CRYBG3: variants seen among roughly 807,000 people sequenced by gnomAD.
The protein encoded by CRYBG3 is crystallin beta-gamma domain containing 3, also known as very large A-kinase anchor protein.
CRYBG3 carries 127 observed loss-of-function variants against 244.2 expected under a neutral mutation model. The observed-to-expected ratio is 0.52, with a 90% CI of 0.45 to 0.60. The LOEUF (loss-of-function observed/expected upper bound fraction) is 0.60. Ranked by LOEUF, CRYBG3 falls within the 20% of genes least tolerant of loss-of-function variation. The probability of loss-of-function intolerance (pLI) is 0.00; values close to 1 mark genes in which losing one functional copy is unlikely to be tolerated. For missense variants in CRYBG3, 3,325 were observed against 3,442.5 expected, an observed-to-expected ratio of 0.97 and a Z score of 0.85; for synonymous variants, 1,132 against 1,195.8, an observed-to-expected ratio of 0.95 and a Z score of 1.10.
intron 2 of CRYBG3, among the ~76,000 whole-genome samples, chr3:97,846,133 C>G (rs774485918): frequency 6.6e-6 from 1 of 152,152 alleles, no homozygotes; most frequent in Non-Finnish European, 1.5e-5. Flanking sequence ...TATTCAGTAA[C>G]CTTTCCCTAG....
chr3:97,835,463 C>T (rs2038719578), intron 1 of CRYBG3, among the ~76,000 whole-genome samples: 1 of 152,064 alleles, frequency 6.6e-6, no homozygotes, highest in South Asian at 2.1e-4. Context: ...GGAACATTCA[C>T]TTAGAAGGTC....
chr3:97,912,574 A>C (rs945331613), intron 16 of CRYBG3, among the ~76,000 whole-genome samples: 8 of 152,208 alleles, frequency 5.3e-5, no homozygotes, highest in Admixed American at 5.2e-4. Context: ...ACCGTCTCAC[A>C]TAGTAGAATG....
intron 7 of CRYBG3, among the ~76,000 whole-genome samples, chr3:97,886,102 C>G (rs1383565799): frequency 1.3e-5 from 2 of 152,088 alleles, no homozygotes; most frequent in Admixed American, 1.3e-4. Context: ...GAAATGGAGT[C>G]CTACAGGGAG....
At chr3:97,878,445 TG>T (rs1053729739) in intron 4 of CRYBG3, among the ~76,000 whole-genome samples, 27 of 152,282 alleles carry the variant, frequency 1.8e-4, no homozygotes, top group Middle Eastern at 3.4e-3. Flanking sequence ...GTTTTGAGGT[TG>T]TAGAAGTTGT....
intron 1 of CRYBG3, among the ~76,000 whole-genome samples, chr3:97,822,590 C>T (rs2038518781): frequency 6.6e-6 from 1 of 152,228 alleles, no homozygotes; most frequent in African/African-American, 2.4e-5. Flanking sequence ...GGCAGCCGGA[C>T]GCATATCCCC....
At chr3:97,858,672 A>G (rs980160996) in intron 2 of CRYBG3, among the ~76,000 whole-genome samples, 1 of 151,912 alleles carries the variant, frequency 6.6e-6, no homozygotes, top group Non-Finnish European at 1.5e-5. Flanking sequence ...GTTCTTTTTT[A>G]TGACACCTAT....
chr3:97,832,757 G>T (rs1335489231), intron 1 of CRYBG3, among the ~76,000 whole-genome samples: 1 of 152,086 alleles, frequency 6.6e-6, no homozygotes, highest in African/African-American at 2.4e-5. Context: ...CACAGCAAAA[G>T]AAACTATCAT....
At chr3:97,833,219 A>G (rs1203307330) in intron 1 of CRYBG3, among the ~76,000 whole-genome samples, 1 of 152,202 alleles carries the variant, frequency 6.6e-6, no homozygotes, top group Non-Finnish European at 1.5e-5. Context: ...CTGGGTATAT[A>G]CCCAAAGGAT....
intron 17 of CRYBG3, among the ~76,000 whole-genome samples, chr3:97,921,608 G>A (rs1364674881): frequency 6.6e-6 from 1 of 152,100 alleles, no homozygotes; most frequent in Non-Finnish European, 1.5e-5. Flanking sequence ...TTAGAAGTTG[G>A]GGGATGGTGG....
chr3:97,834,326 A>G (rs2038698878), intron 1 of CRYBG3, among the ~76,000 whole-genome samples: 2 of 152,204 alleles, frequency 1.3e-5, no homozygotes, highest in African/African-American at 4.8e-5. Context: ...CTTTATGACA[A>G]ACAATACAAA....
At chr3:97,942,766 C>T in intron 21 of CRYBG3, 1 of 226,896 alleles carries the variant, frequency 4.4e-6, no homozygotes, top group Non-Finnish European at 8.4e-6. Flanking sequence ...TAGCTTTTTG[C>T]CAGGAATTGC....
In CRYBG3 at chr3:97,874,823, C is replaced by T; in HGVS notation, c.3629C>T (p.Ser1210Phe). The T allele has an allele frequency of 6.5e-7, 1 of 1,535,986 alleles. No homozygotes were observed. Among genetic ancestry groups the T allele is most frequent in the African/African-American group, 1.4e-5 (1 of 73,136 alleles). Residue 1210 changes from serine to phenylalanine, a missense_variant, in exon 4 of 22, where the codon TCT becomes TTT. Ser to Phe is a radical substitution (Grantham distance 155). Transcript: ENST00000389622. ...ADTLIGEIFN[S>F]VREELKFKHT... ...ACATTGATTGGTGAGATTTTTAATT[C>T]TGTCAGGGAAGAACTAAAATTCAAA...
chr3:97,869,713 A>G (rs1482635255), intron 3 of CRYBG3, among the ~76,000 whole-genome samples: 1 of 152,144 alleles, frequency 6.6e-6, no homozygotes, highest in Non-Finnish European at 1.5e-5. Flanking sequence ...TTGGAACACA[A>G]AGCTTTTCTT....
chr3:97,923,919 G>T (rs887827435), intron 17 of CRYBG3, among the ~76,000 whole-genome samples: 5 of 152,032 alleles, frequency 3.3e-5, no homozygotes, highest in Non-Finnish European at 7.4e-5. Context: ...CTCCTTTTAG[G>T]GGGTAGAGGT....
chr3:97,896,818 T>C (rs1204066314), intron 12 of CRYBG3, among the ~76,000 whole-genome samples: 1 of 152,138 alleles, frequency 6.6e-6, no homozygotes, highest in Non-Finnish European at 1.5e-5. Context: ...AACAAAGAAT[T>C]ACACGGTCCC....
chr3:97,893,166 G>A (rs1470033855), intron 11 of CRYBG3, among the ~76,000 whole-genome samples, 173 bp downstream of exon 11: 2 of 152,130 alleles, frequency 1.3e-5, no homozygotes, highest in South Asian at 4.1e-4. Flanking sequence ...ACTCTTGTTT[G>A]TATTAAATAT....
At position 97,872,352 on chromosome 3, in the gene CRYBG3, A is replaced by G; in HGVS notation, c.1158A>G (p.Gly386=). The change falls in exon 4 of 22, where the codon GGA becomes GGG. Residue 386 remains glycine, a synonymous_variant. Coordinates refer to ENST00000389622, the MANE Select transcript of CRYBG3 (RefSeq NM_153605.4). The part of the protein sequence containing the change: ...RNLVCSALLT[G]SNHRKVPCSP... ...TGGTATGTTCAGCATTGTTAACAGG[A>G]AGTAACCATCGCAAAGTCCCTTGCA... 6.5e-7 allele frequency: 1 copy of G among 1,535,998 alleles called. No individual in the cohort carries two copies. Among genetic ancestry groups the G allele is most frequent in the Non-Finnish European group, 8.7e-7 (1 of 1,146,824 alleles).
chr3:97,863,962 C>G (rs902670103), intron 2 of CRYBG3, among the ~76,000 whole-genome samples: 4 of 152,132 alleles, frequency 2.6e-5, no homozygotes, highest in African/African-American at 4.8e-5. Context: ...TCTACCAAGT[C>G]TGGACTAGTT....
Position 97,872,449 on chromosome 3 carries a change from A to T in CRYBG3, c.1255A>T (p.Thr419Ser), listed in dbSNP as rs1484542317. Reference sequence around the variant, plus strand: ...AAACAGCACTGTGATGAGTAATAGGACATTGGTGCAAAGAGAGGAGCTTGT... The same window carrying T: ...AAACAGCACTGTGATGAGTAATAGGTCATTGGTGCAAAGAGAGGAGCTTGT... ...KENSTVMSNRTLVQREELVEP... is the reference protein window; with the variant it reads ...KENSTVMSNRSLVQREELVEP... Residue 419 changes from threonine (T) to serine (S), a missense_variant, in exon 4 of 22, where the codon ACA becomes TCA. By Grantham distance (58) the Thr-to-Ser change is moderately conservative. Around this residue, in one of 4 missense-constraint regions of CRYBG3, gnomAD observed 1,526 missense variants for 1,443.2 expected, o/e 1.06. Coordinates refer to ENST00000389622, the MANE Select transcript of CRYBG3 (RefSeq NM_153605.4). 2 of 1,536,012 alleles carry T rather than the reference A, an allele frequency of 1.3e-6. No individual in the cohort carries two copies. The highest frequency in any genetic ancestry group is 1.7e-6 in the Non-Finnish European group (2 of 1,146,834).
Sources: allele counts gnomAD v4.1 joint callset (sites outside exome capture counted in the v4.1 genomes callset), GRCh38; gene constraint gnomAD v4.1.1; regional missense constraint gnomAD v4.1.1; transcripts MANE v1.5; gene names NCBI Gene and HGNC (gene_info 2026-07-23, HGNC 2026-07-21).